RABGAP1: variants seen among roughly 807,000 people sequenced by gnomAD.
RABGAP1 encodes the protein RAB GTPase activating protein 1, also known as rab GTPase-activating protein 1.
A neutral mutation model predicts 137.6 loss-of-function variants in RABGAP1; 23 were observed. That is an observed-to-expected ratio of 0.17 (90% confidence interval 0.12 to 0.24). The LOEUF is 0.24. Ranked by LOEUF, RABGAP1 falls within the 10% of genes least tolerant of loss-of-function variation. RABGAP1 has a pLI of 1.00. For missense variants in RABGAP1, 906 were observed against 1,275.8 expected (o/e 0.71, Z 4.42); for synonymous variants, 451 against 450.7 (o/e 1.00, Z -0.01).
At chr9:123,034,784 A>G (rs1471444549) in intron 13 of RABGAP1, 1 of 1,613,874 alleles carries the variant, frequency 6.2e-7, no homozygotes, top group South Asian at 1.1e-5. Flanking sequence ...ACTATGGCAT[A>G]TGCTGACCTT....
intron 1 of RABGAP1, among the ~76,000 whole-genome samples, chr9:122,948,464 G>T (rs907243434): frequency 2.0e-5 from 3 of 152,152 alleles, no homozygotes; most frequent in Non-Finnish European, 4.4e-5. Flanking sequence ...TCTGTCATAT[G>T]AACTTAATAC....
At chr9:123,087,881 T>A (rs981537980) in intron 19 of RABGAP1, among the ~76,000 whole-genome samples, 1 of 152,156 alleles carries the variant, frequency 6.6e-6, no homozygotes, top group African/African-American at 2.4e-5. Flanking sequence ...CTGTTCCCTT[T>A]CTAGGTCTTA....
At chr9:123,020,740 G>A (rs568824764) in intron 13 of RABGAP1, among the ~76,000 whole-genome samples, 46 of 152,146 alleles carry the variant, frequency 3.0e-4, no homozygotes, top group African/African-American at 1.1e-3. Context: ...AACAACTTGT[G>A]CTATGCAATG....
rs115721527 is a variant in RABGAP1, at chr9:122,984,466, A to G, written c.151-19A>G. 205 of 1,602,086 alleles carry G rather than the reference A, an allele frequency of 1.3e-4. No individual in the cohort carries two copies. In the African/African-American group the frequency reaches 2.4e-3, roughly 19 times the overall value. ...CAATCTTTGTCACTTTGCTGATTGC[A>G]TGTATTTGTGACCCTTAGATTGTAG... On this transcript the variant is annotated intron_variant, in intron 2 of 25. Transcript: ENST00000373647.
At chr9:123,027,585 T>C (rs1005532096) in intron 13 of RABGAP1, among the ~76,000 whole-genome samples, 2 of 152,242 alleles carry the variant, frequency 1.3e-5, no homozygotes, top group Non-Finnish European at 2.9e-5. Flanking sequence ...TAATATTTAA[T>C]CATAAGCATA....
intron 13 of RABGAP1, among the ~76,000 whole-genome samples, chr9:123,053,397 T>A (rs78809189): frequency 6.6e-6 from 1 of 152,296 alleles, no homozygotes; most frequent in African/African-American, 2.4e-5. Context: ...AGAGAATTAT[T>A]TTACCTCAGA....
At chr9:122,933,559 T>C in the RABGAP1 span, among the ~76,000 whole-genome samples, 3 of 151,872 alleles carry the variant, frequency 2.0e-5, no homozygotes, top group Admixed American at 6.6e-5. Context: ...GTTCAAGTGA[T>C]TCTCCTGCCT....
intron 13 of RABGAP1, among the ~76,000 whole-genome samples, chr9:123,042,041 T>C (rs1225376866): frequency 1.3e-5 from 2 of 152,120 alleles, no homozygotes; most frequent in Non-Finnish European, 2.9e-5. Context: ...GCTGAACCAC[T>C]CTAGATGCCA....
intron 3 of RABGAP1, among the ~76,000 whole-genome samples, chr9:122,985,377 G>A (rs547677155): frequency 6.6e-6 from 1 of 152,354 alleles, no homozygotes; most frequent in East Asian, 1.9e-4. Flanking sequence ...CACATTGGGA[G>A]GCCGAGGCAG....
At chr9:123,011,952 G>A (rs1723267482) in intron 11 of RABGAP1, among the ~76,000 whole-genome samples, 1 of 152,038 alleles carries the variant, frequency 6.6e-6, no homozygotes, top group Non-Finnish European at 1.5e-5. Context: ...GCAAAACTCT[G>A]TCTCAACAAC....
intron 14 of RABGAP1, among the ~76,000 whole-genome samples, chr9:123,068,625 C>A (rs1208286751): frequency 4.6e-5 from 7 of 152,110 alleles, no homozygotes; most frequent in Admixed American, 3.9e-4. Context: ...ATTTCTAAAG[C>A]CCTTTTTGCA....
intron 13 of RABGAP1, among the ~76,000 whole-genome samples, chr9:123,025,543 C>CTTTTTTTTTTTTTTTTTTT (rs577474947): frequency 2.1e-4 from 16 of 75,006 alleles, no homozygotes; most frequent in African/African-American, 4.5e-4. Context: ...TCTTTCTTTT[C>CTTTTTTTTTTTTTTTTTTT]TTTTTTTTTT....
At chr9:122,988,020 C>T (rs1588219396) in intron 4 of RABGAP1, among the ~76,000 whole-genome samples, 1 of 151,928 alleles carries the variant, frequency 6.6e-6, no homozygotes, top group South Asian at 2.1e-4. Flanking sequence ...TAATTTTTCC[C>T]CTTAAGTATT....
Position 123,068,325 on chromosome 9 carries a change from G to A in RABGAP1, c.1909-2025G>A, listed in dbSNP as rs979680346. 1.0e-4 allele frequency among the ~76,000 whole-genome samples: 15 copies of A among 149,696 alleles called. 1 individual carries two copies. The highest frequency in any genetic ancestry group is 3.7e-4 in the African/African-American group (15 of 40,280). On this transcript the variant is annotated intron_variant, in intron 14 of 25. Coordinates refer to ENST00000373647, the MANE Select transcript of RABGAP1 (RefSeq NM_012197.4). Reference sequence around the variant, plus strand: ...AGATTGTGCCACTGCATTCCACCTCGGGTGACACAGGAGACTCCATCTCAA... The same window carrying A: ...AGATTGTGCCACTGCATTCCACCTCAGGTGACACAGGAGACTCCATCTCAA...
At chr9:122,938,672 A>G (rs1833430248), upstream of RABGAP1, 1 of 152,240 alleles carries the variant, frequency 6.6e-6, no homozygotes, top group Non-Finnish European at 1.5e-5. Flanking sequence ...TATTGTAGAT[A>G]CAATGTTATG....
intron 8 of RABGAP1, 99 bp from the exon 9 acceptor site, chr9:122,997,160 A>C: frequency 1.3e-6 from 1 of 796,510 alleles, no homozygotes. Flanking sequence ...CCATATTCTT[A>C]TATTTTTGCA....
intron 19 of RABGAP1, among the ~76,000 whole-genome samples, chr9:123,079,333 G>C (rs1037935641): frequency 2.0e-5 from 3 of 149,234 alleles, no homozygotes; most frequent in African/African-American, 7.4e-5. Context: ...TCCGCCTCCC[G>C]GGTTCAAGTA....
rs770447483 is a variant in RABGAP1 at position 122,990,093 on chromosome 9, G to A, written c.803G>A (p.Arg268His). The change falls in exon 6 of 26, where the codon CGC becomes CAC. Residue 268 changes from arginine to histidine, a missense_variant. Physicochemically the swap from Arg to His is conservative, Grantham distance 29. Coordinates refer to ENST00000373647, the MANE Select transcript of RABGAP1 (RefSeq NM_012197.4). Reference sequence around the variant, plus strand: ...CTTTACAGTTTTGCCACTGCCTTCCGCCGTTCTGCCAAGCAGACCCCACTT... The same window carrying A: ...CTTTACAGTTTTGCCACTGCCTTCCACCGTTCTGCCAAGCAGACCCCACTT... The part of the protein sequence containing the change: ...RILYSFATAF[R>H]RSAKQTPLSA... The A allele has an allele frequency of 3.0e-5, 48 of 1,609,992 alleles. No individual in the cohort carries two copies. Among genetic ancestry groups the A allele is most frequent in the East Asian group, 8.9e-5 (4 of 44,758 alleles).
intron 3 of RABGAP1, 103 bp from the exon 4 acceptor site, chr9:122,986,109 ACTT>A: frequency 1.0e-6 from 1 of 997,544 alleles, no homozygotes; most frequent in Non-Finnish European, 1.5e-6. Context: ...TCTCATTAAT[ACTT>A]AATTTTAGAC....
Sources: gnomAD v4.1 joint callset for allele counts (sites outside exome capture counted in the v4.1 genomes callset) on GRCh38, gnomAD v4.1.1 for gene constraint, MANE v1.5 for transcripts, NCBI Gene and HGNC (gene_info 2026-07-23, HGNC 2026-07-21) for gene names.